LRRC38: variants seen among roughly 807,000 people sequenced by gnomAD.
The protein encoded by LRRC38 is leucine-rich repeat-containing protein 38.
A neutral mutation model predicts 16.4 loss-of-function variants in LRRC38; 5 were observed. That is an observed-to-expected ratio of 0.31 (90% CI 0.16 to 0.64). LRRC38 has a LOEUF of 0.64. Ranked by LOEUF, LRRC38 falls within the 30% of genes least tolerant of loss-of-function variation. The probability of loss-of-function intolerance (pLI) is 0.80; values close to 1 mark genes in which losing one functional copy is unlikely to be tolerated. For synonymous variants in LRRC38, 191 were observed against 190.2 expected, an observed-to-expected ratio of 1.00 and a Z score of -0.04; for missense variants, 341 against 401.8, an observed-to-expected ratio of 0.85 and a Z score of 1.29.
At chr1:13,498,933 A>C (rs1235904693) in intron 1 of LRRC38, among the ~76,000 whole-genome samples, 1 of 152,072 alleles carries the variant, frequency 6.6e-6, no homozygotes, top group African/African-American at 2.4e-5. Context: ...GTTTGCTGGG[A>C]ATCTCTGGCT....
intron 1 of LRRC38, among the ~76,000 whole-genome samples, chr1:13,508,499 G>GA (rs1214884586): frequency 6.6e-6 from 1 of 152,094 alleles, no homozygotes; most frequent in African/African-American, 2.4e-5. Context: ...TTCAGTAACA[G>GA]AAAAAAATCA....
In LRRC38 at chr1:13,513,048, A is replaced by G. The variant is rs1353309159; in HGVS notation, c.546T>C (p.Arg182=). ...CGCACAGCCAGGGGTTCCCGTCCAG[A>G]CGCAGGGAGCGCAGCGCGGGCAGCG... ...LAALPALRSL[R]LDGNPWLCDC... is the part of the protein sequence containing the mutation. Residue 182 remains arginine, a synonymous_variant, in exon 1 of 2, where the codon CGT becomes CGC. Transcript: ENST00000376085. The G allele has an allele frequency of 2.6e-6, 4 of 1,550,028 alleles. No homozygotes were observed. In the East Asian group the frequency reaches 7.3e-5, roughly 28 times the overall value.
In LRRC38 at chr1:13,513,741, G is replaced by T. The variant is rs1179422685; in HGVS notation, c.-148C>A. On this transcript the variant is annotated 5_prime_UTR_variant, in exon 1 of 2. Transcript: ENST00000376085. Reference sequence around the variant, plus strand: ...GGAGGGCGTGCGCCCGGGCGTGCGGGGGCGATGGAGCGCGGCGCGGACGGA... The same window carrying T: ...GGAGGGCGTGCGCCCGGGCGTGCGGTGGCGATGGAGCGCGGCGCGGACGGA... 4.2e-6 allele frequency: 1 copy of T among 236,820 alleles called. No homozygotes were observed. Among genetic ancestry groups the T allele is most frequent in the South Asian group, 1.5e-4 (1 of 6,598 alleles). The allele number at this position is 236,820 out of a possible 1,614,324, so 14.7% of individuals were successfully genotyped here. A position where few individuals can be genotyped will look rare whatever the true frequency, so the allele number is the denominator to read the frequency against.
intron 1 of LRRC38, among the ~76,000 whole-genome samples, chr1:13,490,467 A>G (rs955375038): frequency 2.0e-5 from 3 of 152,000 alleles, no homozygotes; most frequent in African/African-American, 7.2e-5. Context: ...CCTTATAGAA[A>G]ATTATACTCT....
intron 1 of LRRC38, among the ~76,000 whole-genome samples, chr1:13,506,778 C>G (rs958716579): frequency 5.3e-5 from 8 of 152,098 alleles, no homozygotes; most frequent in African/African-American, 1.9e-4. Flanking sequence ...TTTTACAGCC[C>G]GCACCAGCCC....
rs572416285 is a variant in LRRC38 at position 13,510,258 on chromosome 1, G to C, written c.631+2705C>G. ...ACCCTCATGGAGCCTGGTTTTCTCC[G>C]GCAGGAAGTAGGTGGTCCTCACGGA... On this transcript the variant is annotated intron_variant, in intron 1 of 1. Transcript: ENST00000376085. 3.9e-5 allele frequency among the ~76,000 whole-genome samples: 6 copies of C among 152,258 alleles called. No homozygotes were observed. The East Asian group carries it at 1.2e-3, about 29-fold the overall frequency.
At chr1:13,485,567 A>G (rs1638922230) in intron 1 of LRRC38, among the ~76,000 whole-genome samples, 1 of 148,494 alleles carries the variant, frequency 6.7e-6, no homozygotes, top group South Asian at 2.1e-4. Flanking sequence ...CTCCATCTCA[A>G]AAAAAAAAAA....
At chr1:13,505,419 G>A (rs1639201321) in intron 1 of LRRC38, among the ~76,000 whole-genome samples, 1 of 152,164 alleles carries the variant, frequency 6.6e-6, no homozygotes, top group South Asian at 2.1e-4. Flanking sequence ...GATATGCTTT[G>A]CTGACCCAAA....
At chr1:13,493,561 G>A (rs1372469932) in intron 1 of LRRC38, among the ~76,000 whole-genome samples, 1 of 152,158 alleles carries the variant, frequency 6.6e-6, no homozygotes, top group Non-Finnish European at 1.5e-5. Context: ...TTAGATAAAG[G>A]TTCTTGGGAT....
chr1:13,503,576 A>C (rs538164529), intron 1 of LRRC38, among the ~76,000 whole-genome samples: 1 of 151,956 alleles, frequency 6.6e-6, no homozygotes, highest in African/African-American at 2.4e-5. Context: ...GCCCATTCTA[A>C]ATTGTTTATA....
chr1:13,495,392 T>C (rs1375271312), intron 1 of LRRC38, among the ~76,000 whole-genome samples: 2 of 151,838 alleles, frequency 1.3e-5, no homozygotes, highest in African/African-American at 4.8e-5. Context: ...GAATGAGACC[T>C]GAGACGTGCA....
At chr1:13,488,940 T>A (rs542214776) in intron 1 of LRRC38, among the ~76,000 whole-genome samples, 2 of 152,116 alleles carry the variant, frequency 1.3e-5, no homozygotes, top group Non-Finnish European at 2.9e-5. Flanking sequence ...TGTGGGAATA[T>A]GTCTTAGGGA....
chr1:13,478,192 C>A (rs184538296), intron 1 of LRRC38, among the ~76,000 whole-genome samples: 6 of 152,298 alleles, frequency 3.9e-5, no homozygotes, highest in Admixed American at 6.5e-5. Context: ...GCATAAAGAG[C>A]TCAGATCTTT....
At chr1:13,495,924 A>G (rs541180444) in intron 1 of LRRC38, among the ~76,000 whole-genome samples, 6 of 152,134 alleles carry the variant, frequency 3.9e-5, no homozygotes. Context: ...CCAAGTCTCT[A>G]CTTTTGAGAG....
At chr1:13,484,153 G>A (rs1027697309) in intron 1 of LRRC38, among the ~76,000 whole-genome samples, 24 of 151,978 alleles carry the variant, frequency 1.6e-4, no homozygotes, top group Admixed American at 3.9e-4. Flanking sequence ...GCAGGCCACC[G>A]TCAGGGCCTC....
At chr1:13,496,187 T>C (rs60279084) in intron 1 of LRRC38, among the ~76,000 whole-genome samples, 2 of 151,556 alleles carry the variant, frequency 1.3e-5, no homozygotes, top group African/African-American at 2.4e-5. Context: ...GAGAGAGAGA[T>C]AGAGTGTCTC....
rs138319653 is a variant in LRRC38 at position 13,508,299 on chromosome 1, G to A, written c.631+4664C>T. 6.6e-5 allele frequency among the ~76,000 whole-genome samples: 10 copies of A among 152,280 alleles called. No homozygotes were observed. The East Asian group carries it at 1.9e-3, about 29-fold the overall frequency. Reference sequence around the variant, plus strand: ...TTCCACCCCAAATAAAATAACCAGAGGTTTCCACAGACTTTCCATGTGTAA... The same window carrying A: ...TTCCACCCCAAATAAAATAACCAGAAGTTTCCACAGACTTTCCATGTGTAA... On this transcript the variant is annotated intron_variant, in intron 1 of 1. Coordinates refer to ENST00000376085, the MANE Select transcript of LRRC38 (RefSeq NM_001010847.2).
chr1:13,478,934 T>A (rs1240906977), intron 1 of LRRC38, among the ~76,000 whole-genome samples: 1 of 152,102 alleles, frequency 6.6e-6, no homozygotes, highest in East Asian at 1.9e-4. Flanking sequence ...CTGCATTCCC[T>A]CCTCTCCCAG....
Position 13,476,254 on chromosome 1 carries a change from G to GA in LRRC38, c.632-156dup, listed in dbSNP as rs70981221. On this transcript the variant is annotated intron_variant, in intron 1 of 1. Coordinates refer to ENST00000376085, the MANE Select transcript of LRRC38 (RefSeq NM_001010847.2). ...GCTAATTTAAATGGAATTTAAACTT[G>GA]AAAAAAAAAAAAAAGCCTTAGAGTG... Among the ~76,000 whole-genome samples the GA allele has an allele frequency of 4.1e-3, 547 of 132,484 alleles. 5 individuals are homozygous for GA. The highest frequency in any genetic ancestry group is 0.012 in the African/African-American group (432 of 35,344). 86.9% of individuals were successfully genotyped at this position (132,484 alleles called of 152,430 possible).
Sources: gnomAD v4.1 joint callset for allele counts (sites outside exome capture counted in the v4.1 genomes callset) on GRCh38, gnomAD v4.1.1 for gene constraint, MANE v1.5 for transcripts, NCBI Gene and HGNC (gene_info 2026-07-23, HGNC 2026-07-21) for gene names.